SLCO1A2: variants seen among roughly 807,000 people sequenced by gnomAD.
The protein encoded by SLCO1A2 is solute carrier organic anion transporter family member 1A2, also known as OATP-1.
A neutral mutation model predicts 69.0 loss-of-function variants in SLCO1A2; 67 were observed. The ratio of observed to expected loss-of-function variants is 0.97; its 90% CI spans 0.80 to 1.19. The LOEUF is 1.19. Among genes scored for constraint, SLCO1A2 ranks in the 50% most tolerant of loss-of-function variants. The pLI is 0.00. For missense variants in SLCO1A2, 787 were observed against 793.7 expected, an observed-to-expected ratio of 0.99 and a Z score of 0.10; for synonymous variants, 260 against 265.9, an observed-to-expected ratio of 0.98 and a Z score of 0.22.
chr12:21,329,755 GA>G (rs34009532), intron 2 of SLCO1A2, among the ~76,000 whole-genome samples: 55,802 of 149,228 alleles, frequency 0.37, 11,010 homozygotes, highest in African/African-American at 0.52. Flanking sequence ...ATAACTCTTA[GA>G]AAAAAAAATT....
At chr12:21,415,674 T>C (rs980487147) in intron 1 of SLCO1A2, among the ~76,000 whole-genome samples, 2 of 152,100 alleles carry the variant, frequency 1.3e-5, no homozygotes, top group African/African-American at 4.8e-5. Flanking sequence ...TGCATGTCAA[T>C]TTTTTTATTC....
upstream of SLCO1A2, among the ~76,000 whole-genome samples, chr12:21,418,922 T>C (rs1298471416): frequency 2.0e-5 from 3 of 152,192 alleles, no homozygotes; most frequent in Non-Finnish European, 4.4e-5. Flanking sequence ...TTTAAATTAT[T>C]GAAAAAAATT....
rs972569290 is a variant in SLCO1A2, at chr12:21,367,978, C to T, written c.-63+6421G>A. The stretch of plus-strand genomic sequence containing the variant: ...CAACTAATAAATGACAAATGAATGA[C>T]AGAATTAGACTAGCACTATTTTTCA... On this transcript the variant is annotated intron_variant, in intron 2 of 15. Coordinates refer to the SLCO1A2 transcript ENST00000307378. 2.6e-5 allele frequency among the ~76,000 whole-genome samples: 4 copies of T among 152,032 alleles called. No individual in the cohort carries two copies. In the East Asian group the frequency reaches 7.7e-4, roughly 29 times the overall value.
chr12:21,272,832 C>T (rs768287996), intron 14 of SLCO1A2, among the ~76,000 whole-genome samples: 14 of 152,076 alleles, frequency 9.2e-5, no homozygotes, highest in Admixed American at 1.3e-4. Flanking sequence ...TGCATTTTCT[C>T]CCCTTCTATT....
At chr12:21,288,014 A>T (rs1299005373) in intron 12 of SLCO1A2, among the ~76,000 whole-genome samples, 2 of 115,594 alleles carry the variant, frequency 1.7e-5, no homozygotes, top group African/African-American at 3.2e-5. Context: ...AGTATAATAA[A>T]AAAAAAAAAA....
At chr12:21,344,068 A>G (rs752457067) in intron 2 of SLCO1A2, among the ~76,000 whole-genome samples, 15 of 152,156 alleles carry the variant, frequency 9.9e-5, no homozygotes, top group Non-Finnish European at 2.1e-4. Context: ...TTGAACTTTC[A>G]TAAGTGAATT....
intron 4 of SLCO1A2, among the ~76,000 whole-genome samples, chr12:21,312,825 A>G (rs1278301774): frequency 6.6e-6 from 1 of 152,148 alleles, no homozygotes; most frequent in Admixed American, 6.6e-5. Flanking sequence ...TGTAATCCCA[A>G]CATTTTGAGA....
chr12:21,291,857 A>T (rs983080557), intron 12 of SLCO1A2, among the ~76,000 whole-genome samples: 3 of 152,124 alleles, frequency 2.0e-5, no homozygotes, highest in Non-Finnish European at 4.4e-5. Context: ...CAAAATGGCC[A>T]TTTTATACGG....
chr12:21,404,649 G>T (rs896749848), intron 1 of SLCO1A2, among the ~76,000 whole-genome samples: 17 of 152,070 alleles, frequency 1.1e-4, no homozygotes, highest in Non-Finnish European at 2.9e-5. Context: ...ATGGGCATTT[G>T]GGTTGATTCC....
At chr12:21,274,409 G>T in intron 14 of SLCO1A2, 60 bp downstream of exon 14, 1 of 1,103,708 alleles carries the variant, frequency 9.1e-7, no homozygotes, top group Non-Finnish European at 1.4e-6. Flanking sequence ...CGTGTGAATG[G>T]TGCTGCGTTA....
intron 1 of SLCO1A2, among the ~76,000 whole-genome samples, chr12:21,403,971 A>C (rs779818602): frequency 6.6e-6 from 1 of 152,100 alleles, no homozygotes; most frequent in Admixed American, 6.6e-5. Context: ...GTGTAGCTGG[A>C]TATCTAAGAA....
chr12:21,367,845 T>C (rs1939504802), intron 2 of SLCO1A2, among the ~76,000 whole-genome samples: 1 of 152,056 alleles, frequency 6.6e-6, no homozygotes, highest in Non-Finnish European at 1.5e-5. Flanking sequence ...ATATAAAGTA[T>C]ATTTCAAAAA....
chr12:21,319,198 T>C (rs986621931), intron 2 of SLCO1A2, among the ~76,000 whole-genome samples: 1 of 152,214 alleles, frequency 6.6e-6, no homozygotes. Flanking sequence ...TCATTCTAAG[T>C]AATACATAGC....
At chr12:21,356,710 G>C (rs1401766949) in intron 2 of SLCO1A2, among the ~76,000 whole-genome samples, 1 of 152,022 alleles carries the variant, frequency 6.6e-6, no homozygotes, top group Non-Finnish European at 1.5e-5. Flanking sequence ...AAACACAGGA[G>C]ATGCAAAGAC....
At chr12:21,308,129 A>T (rs1949657198) in intron 4 of SLCO1A2, among the ~76,000 whole-genome samples, 1 of 152,250 alleles carries the variant, frequency 6.6e-6, no homozygotes, top group Non-Finnish European at 1.5e-5. Context: ...AAAATACTTT[A>T]AAAGAGAAAA....
At chr12:21,285,727 C>A (rs1410577373) in intron 12 of SLCO1A2, among the ~76,000 whole-genome samples, 1 of 148,376 alleles carries the variant, frequency 6.7e-6, no homozygotes, top group Non-Finnish European at 1.5e-5. Context: ...TAAATGTAAT[C>A]CAGCATATAA....
At chr12:21,384,565 G>T (rs1295123697) in intron 1 of SLCO1A2, among the ~76,000 whole-genome samples, 1 of 152,024 alleles carries the variant, frequency 6.6e-6, no homozygotes, top group Non-Finnish European at 1.5e-5. Flanking sequence ...AGCATATCTG[G>T]TAAGTTTATC....
At chr12:21,290,389 C>G (rs10841787) in intron 12 of SLCO1A2, among the ~76,000 whole-genome samples, 1 of 151,676 alleles carries the variant, frequency 6.6e-6, no homozygotes, top group East Asian at 1.9e-4. Context: ...GTGGGTGAGG[C>G]AAAGTTACCA....
Position 21,323,808 on chromosome 12 carries a change from C to T in SLCO1A2, c.61-4885G>A, listed in dbSNP as rs574197778. On this transcript the variant is annotated intron_variant, in intron 2 of 14. Coordinates refer to ENST00000683939, the MANE Select transcript of SLCO1A2 (RefSeq NM_001386879.1). ...AACTTTGTTTTACCAGCTGTTTAGG[C>T]ATCGTGTACCCATCCTTGGTTTGGA... 6.6e-5 allele frequency among the ~76,000 whole-genome samples: 10 copies of T among 152,290 alleles called. No homozygotes were observed. The South Asian group carries it at 1.9e-3, about 28-fold the overall frequency.
Sources: allele counts gnomAD v4.1 joint callset (sites outside exome capture counted in the v4.1 genomes callset), GRCh38; gene constraint gnomAD v4.1.1; transcripts MANE v1.5; gene names NCBI Gene and HGNC (gene_info 2026-07-23, HGNC 2026-07-21).